ZBTB49: variants seen among roughly 807,000 people sequenced by gnomAD.
The protein encoded by ZBTB49 is zinc finger and BTB domain containing 49.
ZBTB49 carries 43 observed loss-of-function variants against 57.5 expected under a neutral mutation model. That is an observed-to-expected ratio of 0.75 (90% CI 0.59 to 0.97). The LOEUF is 0.97. Ranked by LOEUF, ZBTB49 falls within the 50% of genes least tolerant of loss-of-function variation. The pLI, the probability that ZBTB49 is intolerant of heterozygous loss-of-function variation, is 0.00. For synonymous variants in ZBTB49, 369 were observed against 362.1 expected (o/e 1.02, Z -0.22); for missense variants, 938 against 947.7 (o/e 0.99, Z 0.13).
At chr4:4,306,703 G>T (rs141459415) in intron 4 of ZBTB49, among the ~76,000 whole-genome samples, 5 of 152,180 alleles carry the variant, frequency 3.3e-5, no homozygotes. Context: ...CCTCCCATGG[G>T]CCAGGTGCTG....
At chr4:4,298,429 CT>C (rs57089472) in intron 1 of ZBTB49, among the ~76,000 whole-genome samples, 1 of 149,344 alleles carries the variant, frequency 6.7e-6, no homozygotes. Context: ...ACCATACTGC[CT>C]TTTTTTTTGA....
At chr4:4,315,009 C>A (rs2980181) in intron 5 of ZBTB49, among the ~76,000 whole-genome samples, 1 of 152,076 alleles carries the variant, frequency 6.6e-6, no homozygotes, top group African/African-American at 2.4e-5. Flanking sequence ...GACTGATAGG[C>A]GTAAGTCTCT....
intron 7 of ZBTB49, among the ~76,000 whole-genome samples, chr4:4,317,714 T>A (rs1402902349): frequency 7.2e-5 from 11 of 152,166 alleles, no homozygotes; most frequent in African/African-American, 2.7e-4. Flanking sequence ...TTTCACATGC[T>A]GAGCTTCTCG....
rs776852142 is a variant in ZBTB49, at chr4:4,313,122, C to G, written c.1376+8C>G. 1 of 1,613,998 alleles carries G rather than the reference C, an allele frequency of 6.2e-7. No homozygotes were observed. Among genetic ancestry groups the G allele is most frequent in the Non-Finnish European group, 8.5e-7 (1 of 1,179,974 alleles). ...CGAGATCTGTGGAAAGAGGTCAGTG[C>G]TGGGCGTGTTCTTCCGTGTGGAAGG... On this transcript the variant is annotated splice_region_variant and intron_variant, in intron 5 of 7. Coordinates refer to ENST00000337872, the MANE Select transcript of ZBTB49 (RefSeq NM_145291.4).
In ZBTB49 at chr4:4,315,874, T is replaced by G; in HGVS notation, c.1525T>G (p.Cys509Gly). ...KTHTADKVFTCDECGKSFNMQ... is the reference protein window; with the variant it reads ...KTHTADKVFTGDECGKSFNMQ... ...ACACACGGCTGATAAAGTCTTCACC[T>G]GTGATGAGTGTGGAAAGTCTTTTAA... The change falls in exon 7 of 8, where the codon TGT becomes GGT. Residue 509 changes from cysteine to glycine, a missense_variant. Coordinates refer to ENST00000337872, the MANE Select transcript of ZBTB49 (RefSeq NM_145291.4). 1 of 1,614,214 alleles carries G rather than the reference T, an allele frequency of 6.2e-7. No individual in the cohort carries two copies. The highest frequency in any genetic ancestry group is 8.5e-7 in the Non-Finnish European group (1 of 1,180,026).
chr4:4,308,156 CA>C (rs1360041855), intron 4 of ZBTB49, among the ~76,000 whole-genome samples: 1 of 152,208 alleles, frequency 6.6e-6, no homozygotes, highest in Non-Finnish European at 1.5e-5. Flanking sequence ...GGGCTCACTG[CA>C]ACCTCTGCCT....
chr4:4,295,162 CTG>C (rs1367708418), intron 1 of ZBTB49, among the ~76,000 whole-genome samples: 1 of 152,122 alleles, frequency 6.6e-6, no homozygotes, highest in African/African-American at 2.4e-5. Flanking sequence ...CTACCTGAGA[CTG>C]AGTAATTTAT....
chr4:4,291,884 G>T (rs890540373), intron 1 of ZBTB49, among the ~76,000 whole-genome samples: 6 of 151,882 alleles, frequency 4.0e-5, no homozygotes, highest in Admixed American at 3.9e-4. Context: ...TAATCCCAGC[G>T]CTTTGGGAGG....
chr4:4,306,573 A>G (rs1463427978), intron 4 of ZBTB49, among the ~76,000 whole-genome samples: 12 of 152,102 alleles, frequency 7.9e-5, no homozygotes, highest in Admixed American at 7.9e-4. Flanking sequence ...AGATTGTAGG[A>G]TGTTGGAAAA....
chr4:4,300,095 T>G lies in ZBTB49; in HGVS notation c.150T>G (p.Phe50Leu). The change falls in exon 2 of 8, where the codon TTT becomes TTG. Residue 50 changes from phenylalanine (F) to leucine (L), a missense_variant and splice_region_variant. Coordinates refer to ENST00000337872, the MANE Select transcript of ZBTB49 (RefSeq NM_145291.4). ...KNVLAAFSQY[F>L]RSLFQNSSSQ... ...TCCTGGCAGCATTCAGCCAGTATTT[T>G]AGGTGGGTATTTTAGACTTCATTCT... The G allele has an allele frequency of 6.2e-7, 1 of 1,614,082 alleles. No individual in the cohort carries two copies. The highest frequency in any genetic ancestry group is 8.5e-7 in the Non-Finnish European group (1 of 1,179,936).
intron 4 of ZBTB49, 79 bp from the exon 5 acceptor site, chr4:4,312,961 AG>A (rs1721037274): frequency 3.5e-6 from 5 of 1,435,074 alleles, no homozygotes; most frequent in Non-Finnish European, 4.8e-6. Flanking sequence ...TAAATGTGTC[AG>A]TTTTCCTTTT....
chr4:4,313,891 G>T (rs541309595), intron 5 of ZBTB49, among the ~76,000 whole-genome samples: 3 of 152,258 alleles, frequency 2.0e-5, no homozygotes, highest in African/African-American at 7.2e-5. Context: ...ATCATTCATT[G>T]ATTCAACATT....
At position 4,313,770 on chromosome 4, in the gene ZBTB49, G is replaced by T. The variant is rs192082746; in HGVS notation, c.1376+656G>T. Reference sequence around the variant, plus strand: ...TTGGGCTGTACGTCAATCAGGCCACGTACTCCATCATCTGGTGGTTGTGCC... The same window carrying T: ...TTGGGCTGTACGTCAATCAGGCCACTTACTCCATCATCTGGTGGTTGTGCC... On this transcript the variant is annotated intron_variant, in intron 5 of 7. Coordinates refer to ENST00000337872, the MANE Select transcript of ZBTB49 (RefSeq NM_145291.4). Among the ~76,000 whole-genome samples, 513 of 152,310 alleles carry T rather than the reference G, an allele frequency of 3.4e-3. 2 individuals are homozygous for T. Among genetic ancestry groups the T allele is most frequent in the African/African-American group, 0.011 (468 of 41,550 alleles).
At chr4:4,313,005 C>G (rs1198623854) in intron 4 of ZBTB49, 36 bp from the exon 5 acceptor site, 4 of 1,607,604 alleles carry the variant, frequency 2.5e-6, no homozygotes, top group Non-Finnish European at 3.4e-6. Context: ...CAAAAACTTT[C>G]ATTATTGGTG....
Position 4,303,364 on chromosome 4 carries a change from T to C in ZBTB49, c.1255+273T>C, listed in dbSNP as rs145364285. On this transcript the variant is annotated intron_variant, in intron 3 of 7. Coordinates refer to ENST00000337872, the MANE Select transcript of ZBTB49 (RefSeq NM_145291.4). ...ATTTTTATATGACAAGCCATCTGTC[T>C]CTAAAGAAAGTATAGTAATTTTGGT... Among the ~76,000 whole-genome samples the C allele has an allele frequency of 3.0e-3, 451 of 152,346 alleles. 2 individuals carry two copies. Among genetic ancestry groups the C allele is most frequent in the African/African-American group, 0.01 (430 of 41,582 alleles).
In ZBTB49 at chr4:4,302,460, AC is replaced by A; in HGVS notation, c.625del (p.Gln209SerfsTer44). Reference sequence around the variant, plus strand: ...GCAGCTGCACAGAACTGCCTTTCAAACAGCCAAATTACTATTACAAACTCAG... The same window carrying A: ...GCAGCTGCACAGAACTGCCTTTCAAAAGCCAAATTACTATTACAAACTCAG... ...DGSCTELPFKQPNYYYKLRNF... is the reference protein window; with the variant it reads ...DGSCTELPFKXPNYYYKLRNF... On this transcript the variant is annotated frameshift_variant, in exon 3 of 8. Coordinates refer to ENST00000337872, the MANE Select transcript of ZBTB49 (RefSeq NM_145291.4). LOFTEE classifies it high-confidence loss of function. 2 of 1,614,234 alleles carry A rather than the reference AC, an allele frequency of 1.2e-6. No homozygotes were observed. The highest frequency in any genetic ancestry group is 2.2e-5 in the South Asian group (2 of 91,086).
rs772655236 is a variant in ZBTB49, at chr4:4,302,253, C to T, written c.417C>T (p.Thr139=). Residue 139 remains threonine (T), a synonymous_variant, in exon 3 of 8, where the codon ACC becomes ACT. Transcript: ENST00000337872. Reference sequence around the variant, plus strand: ...ATAGTACATTGTCTCTACAAAGCACCCTGACCCCAGATGCCACTTGTGTTA... The same window carrying T: ...ATAGTACATTGTCTCTACAAAGCACTCTGACCCCAGATGCCACTTGTGTTA... ...PCNSTLSLQS[T]LTPDATCVIS... 3.1e-6 allele frequency: 5 copies of T among 1,614,200 alleles called. No homozygotes were observed. The Admixed American group carries it at 6.7e-5, about 22-fold the overall frequency.
At chr4:4,290,488 A>T (rs567949968) in intron 1 of ZBTB49, 136 bp downstream of exon 1, 2 of 152,574 alleles carry the variant, frequency 1.3e-5, no homozygotes, top group South Asian at 2.1e-4. Flanking sequence ...TGGGCACTCG[A>T]GGATACCCGG....
intron 1 of ZBTB49, among the ~76,000 whole-genome samples, chr4:4,292,962 T>G (rs189757633): frequency 6.6e-6 from 1 of 152,316 alleles, no homozygotes; most frequent in East Asian, 1.9e-4. Context: ...CCCCCATATT[T>G]TCATTTTTTG....
Sources: gnomAD v4.1 joint callset for allele counts (sites outside exome capture counted in the v4.1 genomes callset) on GRCh38, gnomAD v4.1.1 for gene constraint, MANE v1.5 for transcripts, NCBI Gene and HGNC (gene_info 2026-07-23, HGNC 2026-07-21) for gene names.